Variants in ZNF517 observed in about 807,000 individuals in gnomAD.
The protein encoded by ZNF517 is zinc finger protein 517.
Under a neutral mutation model 12.1 loss-of-function variants are expected in ZNF517, and 12 were observed. That is an observed-to-expected ratio of 0.99 (90% CI 0.63 to 1.61). The LOEUF is 1.61. ZNF517 is among the 40% of genes most tolerant of loss of function. The pLI, the probability that ZNF517 is intolerant of heterozygous loss-of-function variation, is 0.00. For missense variants in ZNF517, 781 were observed against 693.2 expected (o/e 1.13, Z -1.42); for synonymous variants, 388 against 310.2 (o/e 1.25, Z -2.63).
In ZNF517 at chr8:144,809,918, T is replaced by G. The variant is rs943413432; in HGVS notation, c.*1523T>G. Reference sequence around the variant, plus strand: ...AAGTACAAAAAGTAGCTGGGTGTGGTGCTGGGTGCCTGTAATCCCAGCTAC... The same window carrying G: ...AAGTACAAAAAGTAGCTGGGTGTGGGGCTGGGTGCCTGTAATCCCAGCTAC... On this transcript the variant is annotated 3_prime_UTR_variant, in exon 5 of 5. Transcript: ENST00000359971. The G allele has an allele frequency of 6.5e-5, 26 of 400,108 alleles. No individual in the cohort carries two copies. Among genetic ancestry groups the G allele is most frequent in the Admixed American group, 5.2e-4 (13 of 25,084 alleles). The allele number at this position is 400,108 out of a possible 1,614,324, so 24.8% of individuals were successfully genotyped here. A position where few individuals can be genotyped will look rare whatever the true frequency, so the allele number is the denominator to read the frequency against.
In ZNF517 at chr8:144,803,731, G is replaced by A. The variant is rs1281880245; in HGVS notation, c.124G>A (p.Val42Met). ...APDQQALYRD[V>M]MLENYGNLAS... The stretch of plus-strand genomic sequence containing the variant: ...CGACCAGCAGGCACTCTACAGGGAC[G>A]TGATGCTGGAGAACTATGGGAACCT... Residue 42 changes from valine to methionine, a missense_variant, in exon 3 of 5, where the codon GTG becomes ATG. Transcript: ENST00000359971. 3.1e-6 allele frequency: 5 copies of A among 1,614,178 alleles called. No homozygotes were observed. Among genetic ancestry groups the A allele is most frequent in the Middle Eastern group, 1.7e-4 (1 of 6,058 alleles).
chr8:144,802,812 G>T (rs117597411), intron 1 of ZNF517, 58 bp from the exon 2 acceptor site: 26,196 of 1,599,644 alleles, frequency 0.016, 519 homozygotes, highest in Admixed American at 0.08. Flanking sequence ...GGGCCTTCTG[G>T]GGGGCTGGAG....
At chr8:144,799,752 A>C (rs113872592) in intron 1 of ZNF517, among the ~76,000 whole-genome samples, 2 of 152,286 alleles carry the variant, frequency 1.3e-5, no homozygotes, top group African/African-American at 4.8e-5. Flanking sequence ...CATCCTGGCT[A>C]ACACGGTGAA....
At chr8:144,800,861 A>G (rs2953862) in intron 1 of ZNF517, among the ~76,000 whole-genome samples, 15,845 of 152,164 alleles carry the variant, frequency 0.1, 2,029 homozygotes, top group African/African-American at 0.3. Flanking sequence ...TTGAGAGAGA[A>G]CCTCACTCTG....
At position 144,808,241 on chromosome 8, in the gene ZNF517, A is replaced by C. The variant is rs1827387533; in HGVS notation, c.1325A>C (p.His442Pro). 6.2e-7 allele frequency: 1 copy of C among 1,600,900 alleles called. No homozygotes were observed. The highest frequency in any genetic ancestry group is 1.1e-5 in the South Asian group (1 of 89,500). ...AFRRSYTLNE[H>P]YRLHSGERPY... ...CGCAGGAGCTACACGCTGAACGAGC[A>C]CTACCGGCTCCACAGCGGCGAGAGG... Residue 442 changes from histidine to proline, a missense_variant, in exon 5 of 5, where the codon CAC becomes CCC. His to Pro is a moderately conservative substitution (Grantham distance 77, BLOSUM62 -2). Transcript: ENST00000359971.
chr8:144,805,442 T>C (rs1401913632), intron 4 of ZNF517, among the ~76,000 whole-genome samples: 1 of 152,162 alleles, frequency 6.6e-6, no homozygotes, highest in East Asian at 1.9e-4. Flanking sequence ...GCCATTCTCC[T>C]GCCTCAGCCT....
rs145591588 is a variant in ZNF517, at chr8:144,803,436, T to G, written c.34-205T>G. On this transcript the variant is annotated intron_variant, in intron 2 of 4. Coordinates refer to ENST00000359971, the MANE Select transcript of ZNF517 (RefSeq NM_213605.3). ...ATCTCTCTCCCTCCCCCAAGTTCAG[T>G]TTTTCCCTCTTCCTCTCTGGGGCTT... 2.2e-4 allele frequency: 136 copies of G among 622,720 alleles called. 2 individuals are homozygous for G. The highest frequency in any genetic ancestry group is 2.2e-3 in the African/African-American group (116 of 53,840). The allele number at this position is 622,720 out of a possible 1,614,324, so 38.6% of individuals were successfully genotyped here.
At chr8:144,801,926 G>A (rs2979087) in intron 1 of ZNF517, among the ~76,000 whole-genome samples, 97,786 of 151,850 alleles carry the variant, frequency 0.64, 31,662 homozygotes, top group Admixed American at 0.72. Context: ...CCAGCTACTC[G>A]GGAGGCTGAG....
intron 1 of ZNF517, 180 bp from the exon 2 acceptor site, chr8:144,802,690 G>C: frequency 1.1e-6 from 1 of 905,110 alleles, no homozygotes; most frequent in Non-Finnish European, 1.3e-6. Context: ...ACATTGGAAG[G>C]AGTGGGTGTT....
intron 1 of ZNF517, chr8:144,800,698 G>C (rs1212236561): frequency 1.0e-6 from 1 of 985,222 alleles, no homozygotes; most frequent in Non-Finnish European, 1.2e-6. Flanking sequence ...TGCAGTCTGT[G>C]CCCTCTGTGC....
At chr8:144,806,060 G>A (rs554387589) in intron 4 of ZNF517, among the ~76,000 whole-genome samples, 139 of 152,306 alleles carry the variant, frequency 9.1e-4, no homozygotes, top group African/African-American at 3.2e-3. Flanking sequence ...CACTGGAACA[G>A]CTTGTGCCCT....
intron 4 of ZNF517, among the ~76,000 whole-genome samples, chr8:144,806,684 C>T (rs917410343): frequency 2.6e-5 from 4 of 151,874 alleles, no homozygotes; most frequent in African/African-American, 9.7e-5. Context: ...GGGGTTTCAC[C>T]GTGTTGGCCA....
rs368617150 is a variant in ZNF517, at chr8:144,808,002, G to A, written c.1086G>A (p.Gln362=). The part of the protein sequence containing the change: ...GALLGAAQRP[Q]AGDPPHECPV... ...TGCTCGGAGCTGCGCAGAGGCCCCA[G>A]GCGGGGGACCCGCCCCACGAGTGCC... Residue 362 remains glutamine (Q), a synonymous_variant, in exon 5 of 5, where the codon CAG becomes CAA. Coordinates refer to ENST00000359971, the MANE Select transcript of ZNF517 (RefSeq NM_213605.3). 1 of 1,565,850 alleles carries A rather than the reference G, an allele frequency of 6.4e-7. No homozygotes were observed. The highest frequency in any genetic ancestry group is 8.6e-7 in the Non-Finnish European group (1 of 1,156,080).
intron 1 of ZNF517, among the ~76,000 whole-genome samples, chr8:144,800,028 C>G (rs1393495495): frequency 1.3e-5 from 2 of 152,094 alleles, no homozygotes; most frequent in Non-Finnish European, 2.9e-5. Flanking sequence ...GGAGAAACTC[C>G]CAGGCGGGGG....
Position 144,807,420 on chromosome 8 carries a change from C to T in ZNF517, c.504C>T (p.Gly168=), listed in dbSNP as rs746333234. ...ASPRVLQEDL[G]RPVGSSAPRY... is the part of the protein sequence containing the mutation. ...CAAGGGTTCTGCAGGAAGACCTGGG[C>T]CGGCCTGTGGGGAGCTCAGCCCCCC... The change falls in exon 5 of 5, where the codon GGC becomes GGT. Residue 168 remains glycine (G), a synonymous_variant. Coordinates refer to ENST00000359971, the MANE Select transcript of ZNF517 (RefSeq NM_213605.3). 2 of 1,566,444 alleles carry T rather than the reference C, an allele frequency of 1.3e-6. No individual in the cohort carries two copies. Among genetic ancestry groups the T allele is most frequent in the Non-Finnish European group, 1.7e-6 (2 of 1,156,216 alleles).
intron 1 of ZNF517, chr8:144,800,537 C>T: frequency 7.1e-6 from 7 of 985,322 alleles, no homozygotes; most frequent in Non-Finnish European, 8.4e-6. Context: ...CTGGCAGCCT[C>T]ATACCCTGAG....
chr8:144,807,783 CGCGTGCACAGAGT>C lies in ZNF517; in HGVS notation c.871_883del (p.Cys291AlafsTer39), dbSNP rs1307739442. ...AGTTCCACACCGGGGAGAAGCCCTT[CGCGTGCACAGAGT>C]GCGGCAAGGCGTTCTGCCGCAGGTT... On this transcript the variant is annotated frameshift_variant, in exon 5 of 5. Coordinates refer to ENST00000359971, the MANE Select transcript of ZNF517 (RefSeq NM_213605.3). LOFTEE classifies it low-confidence loss of function (END_TRUNC). 3 of 1,612,158 alleles carry C rather than the reference CGCGTGCACAGAGT, an allele frequency of 1.9e-6. No homozygotes were observed. Among genetic ancestry groups the C allele is most frequent in the Non-Finnish European group, 2.5e-6 (3 of 1,179,586 alleles).
rs1332082664 is a variant in ZNF517, at chr8:144,807,881, G to A, written c.965G>A (p.Cys322Tyr). The A allele has an allele frequency of 6.4e-7, 1 of 1,561,064 alleles. No homozygotes were observed. The highest frequency in any genetic ancestry group is 1.9e-5 in the Admixed American group (1 of 53,350). The change falls in exon 5 of 5, where the codon TGT becomes TAT. Residue 322 changes from cysteine to tyrosine, a missense_variant. Physicochemically the swap from Cys to Tyr is radical, Grantham distance 194. Coordinates refer to ENST00000359971, the MANE Select transcript of ZNF517 (RefSeq NM_213605.3). ...GAGCGGCCCTACCGGTGCCTGCGGT[G>A]TGGGCAGCGCTTCATCCGAGGGTCC... is the stretch of plus-strand genomic sequence containing the variant. ...SGERPYRCLR[C>Y]GQRFIRGSSL...
In ZNF517 at chr8:144,807,236, A is replaced by C; in HGVS notation, c.320A>C (p.Lys107Thr). 1.3e-6 allele frequency: 2 copies of C among 1,547,080 alleles called. No homozygotes were observed. The highest frequency in any genetic ancestry group is 1.7e-6 in the Non-Finnish European group (2 of 1,150,684). ...ATCATGGAGTCTCCTCTGCAGAGAA[A>C]GCTCTCCAGGCAGGCAGGACTGCCG... ...AGIMESPLQR[K>T]LSRQAGLPGT... is the part of the protein sequence containing the mutation. Residue 107 changes from lysine to threonine, a missense_variant, in exon 5 of 5, where the codon AAG becomes ACG. By Grantham distance (78) the Lys-to-Thr change is moderately conservative (BLOSUM62 -1). Transcript: ENST00000359971.
Sources: allele counts gnomAD v4.1 joint callset (sites outside exome capture counted in the v4.1 genomes callset), GRCh38; gene constraint gnomAD v4.1.1; transcripts MANE v1.5; gene names NCBI Gene and HGNC (gene_info 2026-07-23, HGNC 2026-07-21).